Variants in WNT9A observed in about 807,000 individuals in gnomAD.
The protein encoded by WNT9A is Wnt family member 9A, also known as protein Wnt-9a.
A neutral mutation model predicts 31.4 loss-of-function variants in WNT9A; 8 were observed. That is an observed-to-expected ratio of 0.26 (90% confidence interval 0.15 to 0.46). The LOEUF (loss-of-function observed/expected upper bound fraction) is 0.46. WNT9A is among the 20% of genes least tolerant of loss of function. WNT9A has a pLI of 0.99. For synonymous variants in WNT9A, 236 were observed against 220.1 expected (o/e 1.07, Z -0.64); for missense variants, 457 against 522.9 (o/e 0.87, Z 1.23).
chr1:227,923,826 G>A (rs1007566818), intron 3 of WNT9A, among the ~76,000 whole-genome samples: 7 of 152,154 alleles, frequency 4.6e-5, no homozygotes, highest in African/African-American at 1.7e-4. Flanking sequence ...CCTAACCAAG[G>A]ACACCCTCCT....
At chr1:227,924,062 T>TGCCCCCCCC in intron 3 of WNT9A, 76 bp downstream of exon 3, 3 of 234,960 alleles carry the variant, frequency 1.3e-5, no homozygotes, top group East Asian at 1.5e-4. Context: ...CCGCCCCCAG[T>TGCCCCCCCC]CCCACGCCCC....
rs115991061 is a variant in WNT9A at position 227,926,706 on chromosome 1, C to T, written c.96-1187G>A. Among the ~76,000 whole-genome samples, 93 of 151,954 alleles carry T rather than the reference C, an allele frequency of 6.1e-4. No homozygotes were observed. Among genetic ancestry groups the T allele is most frequent in the African/African-American group, 2.1e-3 (89 of 41,484 alleles). On this transcript the variant is annotated intron_variant, in intron 1 of 3. Transcript: ENST00000272164. The surrounding 1 kb of genome is among the most constrained non-coding windows in gnomAD (Gnocchi z 5.0). ...CCTGAAAGCATCACTGGACACATGA[C>T]GACCAACCCACCCCCAGCAGAGAAC...
At chr1:227,940,926 T>A (rs1572135131) in intron 1 of WNT9A, among the ~76,000 whole-genome samples, 1 of 152,206 alleles carries the variant, frequency 6.6e-6, no homozygotes, top group Middle Eastern at 3.4e-3. Flanking sequence ...AGCAAGACCA[T>A]CCCCAGCCAC....
At chr1:227,937,262 C>T (rs1296407138) in intron 1 of WNT9A, among the ~76,000 whole-genome samples, 2 of 152,264 alleles carry the variant, frequency 1.3e-5, no homozygotes, top group Admixed American at 1.3e-4. Context: ...AGCACCGCTG[C>T]TCCGCTTCCT....
intron 1 of WNT9A, among the ~76,000 whole-genome samples, chr1:227,939,176 G>C (rs1395770788): frequency 2.0e-5 from 3 of 152,228 alleles, no homozygotes; most frequent in Admixed American, 6.5e-5. Context: ...AGGGCACACA[G>C]AACAGTTCCA....
chr1:227,924,269 C>T lies in WNT9A; in HGVS notation c.484G>A (p.Ala162Thr), dbSNP rs758957484. The T allele has an allele frequency of 6.2e-7, 1 of 1,613,898 alleles. No homozygotes were observed. The highest frequency in any genetic ancestry group is 8.5e-7 in the Non-Finnish European group (1 of 1,179,982). ...TCTCCGCAGCCCCCCCACTGCCAGG[C>T]CTCACGGTTCTCCAGGTCGGGTGCC... The part of the protein sequence containing the change: ...DEAPDLENRE[A>T]WQWGGCGDNL... The change falls in exon 3 of 4, where the codon GCC (alanine) becomes ACC (threonine). Residue 162 changes from alanine to threonine, a missense_variant. Coordinates refer to ENST00000272164, the MANE Select transcript of WNT9A (RefSeq NM_003395.4).
At chr1:227,931,797 G>T (rs775644805) in intron 1 of WNT9A, among the ~76,000 whole-genome samples, 1 of 152,140 alleles carries the variant, frequency 6.6e-6, no homozygotes, top group Non-Finnish European at 1.5e-5. Flanking sequence ...TCTTTTCGCT[G>T]GGGGAGGGTC....
At chr1:227,922,086 G>C (rs1488625072) in intron 3 of WNT9A, 86 bp from the exon 4 acceptor site, 17 of 1,508,022 alleles carry the variant, frequency 1.1e-5, no homozygotes, top group Non-Finnish European at 1.5e-5. Context: ...CCCCCAGAGG[G>C]ACCCCACACC....
chr1:227,938,055 G>A (rs1572133132), intron 1 of WNT9A, among the ~76,000 whole-genome samples: 1 of 152,230 alleles, frequency 6.6e-6, no homozygotes, highest in South Asian at 2.1e-4. Flanking sequence ...CTCCTTAGCG[G>A]GTCCTGGCCT....
chr1:227,933,380 G>A (rs111890639), intron 1 of WNT9A, among the ~76,000 whole-genome samples: 1,626 of 152,312 alleles, frequency 0.011, 31 homozygotes, highest in African/African-American at 0.037. Context: ...AGGGAATGCT[G>A]TGGCTGGTTT....
intron 1 of WNT9A, among the ~76,000 whole-genome samples, chr1:227,929,695 G>A (rs1032299832): frequency 3.7e-4 from 56 of 152,334 alleles, no homozygotes; most frequent in African/African-American, 1.2e-3. Flanking sequence ...TTAGCCAGGC[G>A]CAGTGGTGCA....
intron 2 of WNT9A, 61 bp from the exon 3 acceptor site, chr1:227,924,461 C>G: frequency 1.3e-6 from 2 of 1,558,068 alleles, no homozygotes; most frequent in South Asian, 2.4e-5. Context: ...CTTCACTGTC[C>G]TGCAGCCAAA....
intron 1 of WNT9A, 53 bp downstream of exon 1, chr1:227,947,740 C>T (rs1468604730): frequency 2.9e-6 from 3 of 1,022,052 alleles, no homozygotes; most frequent in Non-Finnish European, 2.4e-6. Flanking sequence ...CGACCCCGCC[C>T]CGGCCCCGCC....
chr1:227,936,380 C>T (rs1299490895), intron 1 of WNT9A, among the ~76,000 whole-genome samples: 4 of 152,076 alleles, frequency 2.6e-5, no homozygotes, highest in East Asian at 1.9e-4. Flanking sequence ...TTAGTAGAGA[C>T]GGGGTTTTGC....
intron 1 of WNT9A, among the ~76,000 whole-genome samples, chr1:227,934,427 AT>A (rs1462585008): frequency 6.6e-6 from 1 of 152,186 alleles, no homozygotes; most frequent in Non-Finnish European, 1.5e-5. Flanking sequence ...GAATCTATTA[AT>A]TGCTTTCTCC....
intron 1 of WNT9A, among the ~76,000 whole-genome samples, chr1:227,941,010 C>T (rs1201356969): frequency 2.0e-5 from 3 of 152,266 alleles, no homozygotes; most frequent in African/African-American, 7.2e-5. Context: ...GTCACGTCCC[C>T]GCCGGGGCTG....
chr1:227,940,353 C>A (rs1367433164), intron 1 of WNT9A, among the ~76,000 whole-genome samples: 1 of 152,186 alleles, frequency 6.6e-6, no homozygotes, highest in Non-Finnish European at 1.5e-5. Flanking sequence ...TGCTCAGTGA[C>A]CACAGCCCCC....
intron 3 of WNT9A, 108 bp downstream of exon 3, chr1:227,924,030 G>T: frequency 7.0e-7 from 1 of 1,433,852 alleles, no homozygotes; most frequent in Non-Finnish European, 9.4e-7. Context: ...TCCACTGTGT[G>T]CCTGCCTGCC....
intron 1 of WNT9A, among the ~76,000 whole-genome samples, chr1:227,934,492 T>A (rs1380457661): frequency 6.6e-6 from 1 of 152,250 alleles, no homozygotes; most frequent in African/African-American, 2.4e-5. Flanking sequence ...ACTAATGCAA[T>A]GAGCCTCATC....
Sources: gnomAD v4.1 joint callset for allele counts (sites outside exome capture counted in the v4.1 genomes callset) on GRCh38, gnomAD v4.1.1 for gene constraint, Gnocchi (gnomAD v3.1) non-coding constraint, MANE v1.5 for transcripts, NCBI Gene and HGNC (gene_info 2026-07-23, HGNC 2026-07-21) for gene names.